CP: variants seen among roughly 807,000 people sequenced by gnomAD.
CP encodes ceruloplasmin.
A neutral mutation model predicts 122.4 loss-of-function variants in CP; 64 were observed. The ratio of observed to expected loss-of-function variants is 0.52; its 90% CI spans 0.43 to 0.64. The LOEUF is 0.64. CP is among the 30% of genes least tolerant of loss of function. The pLI is 0.00. For missense variants in CP, 1,167 were observed against 1,284.4 expected (o/e 0.91, Z 1.40); for synonymous variants, 440 against 436.4 (o/e 1.01, Z -0.10).
chr3:149,210,074 C>T (rs1433853710), intron 3 of CP, 93 bp downstream of exon 3: 2 of 1,280,164 alleles, frequency 1.6e-6, no homozygotes, highest in Non-Finnish European at 2.2e-6. Context: ...CCTGCTCAAT[C>T]TCAGCACAGA....
intron 8 of CP, among the ~76,000 whole-genome samples, chr3:149,198,799 T>C (rs1727090695): frequency 6.6e-6 from 1 of 152,240 alleles, no homozygotes; most frequent in South Asian, 2.1e-4. Context: ...CCCCTCTTTG[T>C]GCTCACACAT....
chr3:149,167,602 C>G (rs534543428), downstream of CP, among the ~76,000 whole-genome samples: 1 of 152,136 alleles, frequency 6.6e-6, no homozygotes, highest in East Asian at 1.9e-4. Context: ...TTCCTTCCTT[C>G]TTGCCACATA....
chr3:149,185,249 G>T lies in CP; in HGVS notation c.2275C>A (p.Gln759Lys). ...REWEKELHHL[Q>K]EQNVSNAFLD... ...AGTCTGGAGAATTACTTCTGCTCTT[G>T]TAAATGATGCAGCTCCTTTTCCCAC... is the stretch of plus-strand genomic sequence containing the variant. The change falls in exon 12 of 19, where the codon CAA (glutamine) becomes AAA (lysine). Residue 759 changes from glutamine (Q) to lysine (K), a missense_variant. By Grantham distance (53) the Gln-to-Lys change is moderately conservative. This residue lies in a region of CP where 525 missense variants were observed against 657.2 expected (regional missense o/e 0.80). Coordinates refer to ENST00000264613, the MANE Select transcript of CP (RefSeq NM_000096.4). 2 of 1,612,440 alleles carry T rather than the reference G, an allele frequency of 1.2e-6. No individual in the cohort carries two copies. Among genetic ancestry groups the T allele is most frequent in the Non-Finnish European group, 1.7e-6 (2 of 1,179,864 alleles).
intron 7 of CP, among the ~76,000 whole-genome samples, chr3:149,201,743 G>A (rs932379038): frequency 1.3e-5 from 2 of 151,650 alleles, no homozygotes; most frequent in African/African-American, 2.4e-5. Context: ...TTACAGGTAC[G>A]TGCCACCACG....
intron 5 of CP, among the ~76,000 whole-genome samples, chr3:149,206,589 A>G (rs1054677782): frequency 2.0e-5 from 3 of 152,236 alleles, no homozygotes; most frequent in Non-Finnish European, 2.9e-5. Context: ...AAAATATGGT[A>G]CCAGTTTCTG....
At chr3:149,204,888 T>C (rs1218976012) in intron 6 of CP, among the ~76,000 whole-genome samples, 1 of 152,158 alleles carries the variant, frequency 6.6e-6, no homozygotes. Context: ...GTAGCTTGTG[T>C]ACATCAAAGG....
chr3:149,201,312 C>CG (rs1727297378), intron 7 of CP, among the ~76,000 whole-genome samples: 1 of 151,604 alleles, frequency 6.6e-6, no homozygotes, highest in East Asian at 2.0e-4. Context: ...TTAGTAGAGA[C>CG]TGGTTTCACC....
Position 149,181,987 on chromosome 3 carries a change from C to CGGGGGGGGGGGG in CP, c.2554+17_2554+18insCCCCCCCCCCCC. 2 of 610,070 alleles carry CGGGGGGGGGGGG rather than the reference C, an allele frequency of 3.3e-6. No individual in the cohort carries two copies. The highest frequency in any genetic ancestry group is 5.9e-6 in the Non-Finnish European group (2 of 338,220). The allele number at this position is 610,070 out of a possible 1,614,324, so 37.8% of individuals were successfully genotyped here. On this transcript the variant is annotated intron_variant, in intron 14 of 18. Coordinates refer to ENST00000264613, the MANE Select transcript of CP (RefSeq NM_000096.4). ...GCCTGTTAAAATGCACCACCCCCAC[C>CGGGGGGGGGGGG]CCCGCCCCCGTGAGTACCTGGTAAT...
Position 149,199,692 on chromosome 3 carries a change from A to G in CP, c.1501+20T>C. 1 of 1,613,728 alleles carries G rather than the reference A, an allele frequency of 6.2e-7. No individual in the cohort carries two copies. Among genetic ancestry groups the G allele is most frequent in the Non-Finnish European group, 8.5e-7 (1 of 1,179,896 alleles). ...GGTTATTAAACATTGTTGATTTGTT[A>G]CACAGTGCTGTATACTCACTTCTGC... On this transcript the variant is annotated intron_variant, in intron 8 of 18. Transcript: ENST00000264613.
chr3:149,172,486 A>G (rs1018182911), downstream of CP: 29 of 327,688 alleles, frequency 8.8e-5, no homozygotes, highest in Non-Finnish European at 1.2e-4. Context: ...GAATTCCTCA[A>G]AGAAGCCATA....
Position 149,178,461 on chromosome 3 carries a change from T to A in CP, c.2832A>T (p.Lys944Asn). Residue 944 changes from lysine (K) to asparagine (N), a missense_variant, in exon 16 of 19, where the codon AAA (lysine) becomes AAT (asparagine). Lys to Asn is a moderately conservative substitution (Grantham distance 94). This residue lies in a region of CP where 525 missense variants were observed against 657.2 expected (regional missense o/e 0.80). Coordinates refer to ENST00000264613, the MANE Select transcript of CP (RefSeq NM_000096.4). ...NIKTYSDHPE[K>N]VNKDDEEFIE... ...TGAATTCCTCATCATCTTTGTTTAC[T>A]TTCTCGGGGTGATCAGAGTATGTTT... is the stretch of plus-strand genomic sequence containing the variant. 1 of 1,613,352 alleles carries A rather than the reference T, an allele frequency of 6.2e-7. No homozygotes were observed. Among genetic ancestry groups the A allele is most frequent in the Non-Finnish European group, 8.5e-7 (1 of 1,179,364 alleles).
At chr3:149,170,862 T>C (rs1724905563), downstream of CP, among the ~76,000 whole-genome samples, 1 of 152,222 alleles carries the variant, frequency 6.6e-6, no homozygotes, top group Non-Finnish European at 1.5e-5. Context: ...TGGATGTTTA[T>C]TGGGAACATT....
Position 149,162,956 on chromosome 3 carries a change from AT to A in CP, c.*14-82del, listed in dbSNP as rs1426596455. On this transcript the variant is annotated intron_variant, in intron 5 of 5. Coordinates refer to the CP transcript ENST00000479771. The stretch of plus-strand genomic sequence containing the variant: ...AAACATACCTTATTTTTAATAACTT[AT>A]TATAAAATCTAACCTAGTTTTCTAT... 3.0e-5 allele frequency: 36 copies of A among 1,214,522 alleles called. No homozygotes were observed. The East Asian group carries it at 8.7e-4, about 29-fold the overall frequency. 75.2% of individuals were successfully genotyped at this position (1,214,522 alleles called of 1,614,324 possible). A position where few individuals can be genotyped will look rare whatever the true frequency, so the allele number is the denominator to read the frequency against.
intron 14 of CP, 64 bp downstream of exon 14, chr3:149,181,941 A>G: frequency 6.5e-7 from 1 of 1,541,364 alleles, no homozygotes; most frequent in African/African-American, 1.4e-5. Flanking sequence ...TGATGAGAGT[A>G]ATCTGTGGAA....
At chr3:149,200,582 A>G (rs1027607205) in intron 7 of CP, among the ~76,000 whole-genome samples, 1 of 151,964 alleles carries the variant, frequency 6.6e-6, no homozygotes, top group Admixed American at 6.5e-5. Flanking sequence ...GGCTAACTGC[A>G]ACCTCTGCCT....
At chr3:149,163,814 G>A (rs200155649) in intron 5 of CP, 2 of 1,212,174 alleles carry the variant, frequency 1.6e-6, no homozygotes, top group African/African-American at 1.5e-5. Context: ...GTTATATTTT[G>A]TTTATGAGAA....
At chr3:149,192,493 C>CAAAA (rs11451281) in intron 9 of CP, among the ~76,000 whole-genome samples, 4 of 143,692 alleles carry the variant, frequency 2.8e-5, no homozygotes, top group Non-Finnish European at 1.5e-5. Flanking sequence ...ATACAAAAGG[C>CAAAA]AAAAAAAAAA....
intron 9 of CP, among the ~76,000 whole-genome samples, chr3:149,196,912 T>C (rs1300919825): frequency 6.6e-6 from 1 of 152,124 alleles, no homozygotes; most frequent in Non-Finnish European, 1.5e-5. Context: ...GAAGTGAATA[T>C]GCCCTGCCCC....
In CP at chr3:149,206,948, T is replaced by A. The variant is rs527983551; in HGVS notation, c.1036+415A>T. On this transcript the variant is annotated intron_variant, in intron 5 of 18. Transcript: ENST00000264613. ...GTTTTTATTGCCTAAGTTAAAGAGATAAAGGAAGGATTTATCGAGTTAAAC... is the reference window on the plus strand; with the variant it reads ...GTTTTTATTGCCTAAGTTAAAGAGAAAAAGGAAGGATTTATCGAGTTAAAC... Among the ~76,000 whole-genome samples, 699 of 152,278 alleles carry A rather than the reference T, an allele frequency of 4.6e-3. 3 individuals carry two copies. Among genetic ancestry groups the A allele is most frequent in the Non-Finnish European group, 7.4e-3 (503 of 68,008 alleles).
Sources: allele counts gnomAD v4.1 joint callset (sites outside exome capture counted in the v4.1 genomes callset), GRCh38; gene constraint gnomAD v4.1.1; regional missense constraint gnomAD v4.1.1; transcripts MANE v1.5; gene names NCBI Gene and HGNC (gene_info 2026-07-23, HGNC 2026-07-21).